Variants in C2orf76 observed in about 807,000 individuals in gnomAD.
C2orf76 encodes the protein UPF0538 protein C2orf76.
Under a neutral mutation model 16.9 loss-of-function variants are expected in C2orf76, and 23 were observed. The observed-to-expected ratio is 1.36, with a 90% CI of 0.98 to 1.93. The LOEUF (loss-of-function observed/expected upper bound fraction) is 1.93, where lower values mean the gene tolerates loss of function less well. Ranked by LOEUF, C2orf76 falls within the 30% of genes most tolerant of loss-of-function variation. C2orf76 has a pLI of 0.00. For missense variants in C2orf76, 152 were observed against 152.6 expected (o/e 1.00, Z 0.02); for synonymous variants, 48 against 52.3 (o/e 0.92, Z 0.35).
chr2:119,343,742 T>C (rs1680111863), intron 1 of C2orf76, among the ~76,000 whole-genome samples: 1 of 152,140 alleles, frequency 6.6e-6, no homozygotes, highest in Non-Finnish European at 1.5e-5. Context: ...ATTGCGCCAC[T>C]GCACTCCAGC....
chr2:119,304,010 G>A (rs933461400), intron 5 of C2orf76, among the ~76,000 whole-genome samples: 6 of 152,122 alleles, frequency 3.9e-5, no homozygotes, highest in African/African-American at 7.2e-5. Context: ...AAAAGAATGG[G>A]TAAAAGACTC....
chr2:119,314,014 G>GCTTTTTTTTT (rs1553446123), intron 4 of C2orf76, among the ~76,000 whole-genome samples: 1 of 86,166 alleles, frequency 1.2e-5, no homozygotes, highest in South Asian at 4.8e-4. Context: ...TTTCTCAGTG[G>GCTTTTTTTTT]TTTTTTTTTT....
chr2:119,307,674 A>G (rs918633993), intron 5 of C2orf76, among the ~76,000 whole-genome samples: 2 of 152,056 alleles, frequency 1.3e-5, no homozygotes, highest in African/African-American at 2.4e-5. Context: ...AGGAGTTCGG[A>G]GGGCAGTTTG....
intron 1 of C2orf76, among the ~76,000 whole-genome samples, chr2:119,341,344 C>G (rs529385093): frequency 6.6e-6 from 1 of 152,228 alleles, no homozygotes; most frequent in African/African-American, 2.4e-5. Flanking sequence ...GCTTACATGC[C>G]AGATACTACT....
rs142667647 is a variant in C2orf76 at position 119,302,266 on chromosome 2, TG to T, written c.*205del. ...TTTATTTCCCTTTAAAAAGATCAAATGTTTTTCTCATAATATATTATTTTAC... is the reference window on the plus strand; with the variant it reads ...TTTATTTCCCTTTAAAAAGATCAAATTTTTTCTCATAATATATTATTTTAC... On this transcript the variant is annotated 3_prime_UTR_variant, in exon 6 of 6. Transcript: ENST00000334816. 3.9e-3 allele frequency: 1,438 copies of T among 373,234 alleles called. 22 individuals are homozygous for T. Among genetic ancestry groups the T allele is most frequent in the African/African-American group, 0.027 (1,298 of 47,764 alleles). 23.1% of individuals were successfully genotyped at this position (373,234 alleles called of 1,614,324 possible).
intron 1 of C2orf76, among the ~76,000 whole-genome samples, chr2:119,343,966 C>G (rs1002609414): frequency 6.6e-6 from 1 of 152,162 alleles, no homozygotes; most frequent in Non-Finnish European, 1.5e-5. Flanking sequence ...GATAAATTCC[C>G]AGATGTAATG....
intron 1 of C2orf76, among the ~76,000 whole-genome samples, chr2:119,341,509 GT>G (rs1415274130): frequency 2.6e-5 from 4 of 152,192 alleles, no homozygotes; most frequent in African/African-American, 9.7e-5. Context: ...TACATACATG[GT>G]GTATTATAGG....
intron 1 of C2orf76, among the ~76,000 whole-genome samples, chr2:119,350,075 CGCCCCCCCA>C (rs1680342318): frequency 6.6e-5 from 6 of 91,076 alleles, no homozygotes; most frequent in South Asian, 4.0e-4. Context: ...CACCGCCCCC[CGCCCCCCCA>C]CCGTCCCGCG....
intron 2 of C2orf76, among the ~76,000 whole-genome samples, chr2:119,339,429 C>A (rs1052726643): frequency 2.0e-5 from 3 of 152,162 alleles, no homozygotes; most frequent in African/African-American, 4.8e-5. Context: ...ACAGCCTCCG[C>A]TCCCCTCCCA....
At chr2:119,342,697 G>A (rs1028833955) in intron 1 of C2orf76, among the ~76,000 whole-genome samples, 5 of 152,050 alleles carry the variant, frequency 3.3e-5, no homozygotes, top group African/African-American at 9.7e-5. Context: ...AATAAATTGG[G>A]GCTTCAATTA....
intron 2 of C2orf76, among the ~76,000 whole-genome samples, chr2:119,335,728 G>T (rs1176335179): frequency 6.6e-6 from 1 of 152,124 alleles, no homozygotes; most frequent in African/African-American, 2.4e-5. Context: ...CTTAATCAAC[G>T]TCAATGTCAA....
intron 1 of C2orf76, 133 bp from the exon 2 acceptor site, chr2:119,340,104 C>A: frequency 1.0e-6 from 1 of 1,000,040 alleles, no homozygotes; most frequent in Non-Finnish European, 1.4e-6. Flanking sequence ...GACAGAGTTC[C>A]CAAACAGAAG....
chr2:119,303,054 T>C (rs1021166399), intron 5 of C2orf76, among the ~76,000 whole-genome samples: 1 of 152,198 alleles, frequency 6.6e-6, no homozygotes, highest in East Asian at 1.9e-4. Flanking sequence ...CCCATCAAAA[T>C]ATGTGTCTGA....
chr2:119,328,717 G>A (rs1244280911), intron 2 of C2orf76, among the ~76,000 whole-genome samples: 1 of 151,922 alleles, frequency 6.6e-6, no homozygotes, highest in Non-Finnish European at 1.5e-5. Flanking sequence ...TTAATATTTA[G>A]GTGTTTTAGT....
At chr2:119,356,453 A>T (rs921129492) in intron 1 of C2orf76, among the ~76,000 whole-genome samples, 4 of 151,944 alleles carry the variant, frequency 2.6e-5, no homozygotes, top group Non-Finnish European at 5.9e-5. Context: ...AGTGGGACAC[A>T]GTTAAAGCAC....
At chr2:119,293,007 C>T in the C2orf76 span, among the ~76,000 whole-genome samples, 1 of 152,194 alleles carries the variant, frequency 6.6e-6, no homozygotes, top group South Asian at 2.1e-4. Flanking sequence ...TGAACTCCAG[C>T]CTGGGCGACA....
In C2orf76 at chr2:119,353,501, T is replaced by A. The variant is rs931156847; in HGVS notation, c.-13+13289A>T. Among the ~76,000 whole-genome samples the A allele has an allele frequency of 2.0e-5, 3 of 150,842 alleles. 1 individual carries two copies. Among genetic ancestry groups the A allele is most frequent in the East Asian group, 3.9e-4 (2 of 5,188 alleles). On this transcript the variant is annotated intron_variant, in intron 1 of 5. Coordinates refer to ENST00000334816, the MANE Select transcript of C2orf76 (RefSeq NM_001322331.2). ...TTCTAAAAATAGATTTCGGTAACAA[T>A]GAAATATCAAGAGCTGGACATTATA...
intron 5 of C2orf76, among the ~76,000 whole-genome samples, chr2:119,306,982 A>T (rs961307605): frequency 9.9e-5 from 15 of 152,018 alleles, no homozygotes; most frequent in African/African-American, 3.6e-4. Context: ...TAAATTTGTT[A>T]CCCTGGCATT....
At chr2:119,365,253 T>C (rs979003951) in intron 1 of C2orf76, among the ~76,000 whole-genome samples, 1 of 152,124 alleles carries the variant, frequency 6.6e-6, no homozygotes, top group African/African-American at 2.4e-5. Context: ...ATAATCTGAG[T>C]TTCCATCAAG....
Sources: allele counts gnomAD v4.1 joint callset (sites outside exome capture counted in the v4.1 genomes callset), GRCh38; gene constraint gnomAD v4.1.1; transcripts MANE v1.5; gene names NCBI Gene and HGNC (gene_info 2026-07-23, HGNC 2026-07-21).